The following DCDC2C variants were observed in gnomAD, a reference collection of about 807,000 sequenced individuals.
DCDC2C encodes doublecortin domain containing 2C.
DCDC2C carries 44 observed loss-of-function variants against 45.0 expected under a neutral mutation model. That is an observed-to-expected ratio of 0.98 (90% confidence interval 0.77 to 1.26). The LOEUF (loss-of-function observed/expected upper bound fraction) is 1.26, where lower values mean the gene tolerates loss of function less well. Ranked by LOEUF, DCDC2C falls within the 50% of genes most tolerant of loss-of-function variation. The probability of loss-of-function intolerance (pLI) is 0.00; values close to 1 mark genes in which losing one functional copy is unlikely to be tolerated. For missense variants in DCDC2C, 447 were observed against 468.9 expected (o/e 0.95, Z 0.43); for synonymous variants, 187 against 178.8 (o/e 1.05, Z -0.37).
intron 6 of DCDC2C, among the ~76,000 whole-genome samples, chr2:3,756,366 C>A (rs1248747372): frequency 6.6e-6 from 1 of 152,198 alleles, no homozygotes; most frequent in African/African-American, 2.4e-5. Context: ...CAAGTCCCCT[C>A]CCTACTGTGA....
chr2:3,720,106 T>C (rs1177691402), intron 2 of DCDC2C, among the ~76,000 whole-genome samples: 5 of 152,184 alleles, frequency 3.3e-5, no homozygotes, highest in Admixed American at 6.5e-5. Flanking sequence ...GCAGCAGCTG[T>C]GGAAACTGCA....
intron 6 of DCDC2C, among the ~76,000 whole-genome samples, chr2:3,763,802 T>C (rs1213204413): frequency 2.0e-5 from 3 of 152,182 alleles, no homozygotes; most frequent in Non-Finnish European, 2.9e-5. Context: ...GTGCTACCCA[T>C]GTGTTTCTTT....
At chr2:3,809,744 ACCCCCAAC>A (rs1226553777) in intron 10 of DCDC2C, among the ~76,000 whole-genome samples, 2 of 151,244 alleles carry the variant, frequency 1.3e-5, no homozygotes, top group African/African-American at 4.9e-5. Context: ...CCCTCCCCTT[ACCCCCAAC>A]CCCCAACAGG....
intron 10 of DCDC2C, among the ~76,000 whole-genome samples, chr2:3,790,911 A>AGG (rs1338642792): frequency 2.0e-5 from 3 of 152,166 alleles, no homozygotes; most frequent in Non-Finnish European, 4.4e-5. Context: ...GATCGAGACC[A>AGG]TCCTGGCTAA....
intron 10 of DCDC2C, among the ~76,000 whole-genome samples, chr2:3,813,479 G>A (rs59924264): frequency 0.11 from 16,737 of 152,004 alleles, 1,111 homozygotes; most frequent in East Asian, 0.29. Context: ...TTTCTGTCTC[G>A]TTGATCTGTT....
Position 3,727,083 on chromosome 2 carries a change from A to G in DCDC2C, c.416+4A>G. 6.5e-7 allele frequency: 1 copy of G among 1,547,216 alleles called. No individual in the cohort carries two copies. Among genetic ancestry groups the G allele is most frequent in the Non-Finnish European group, 8.7e-7 (1 of 1,144,172 alleles). On this transcript the variant is annotated splice_donor_region_variant and intron_variant, in intron 3 of 10. Coordinates refer to ENST00000399143, the MANE Select transcript of DCDC2C (RefSeq NM_001287444.2). ...ATCGTATATCTCGACATATAAAGTG[A>G]GTATAATATTATGGGTGAAAAAATC...
chr2:3,840,191 T>C (rs1159338162), intron 10 of DCDC2C, among the ~76,000 whole-genome samples: 1 of 152,268 alleles, frequency 6.6e-6, no homozygotes, highest in Non-Finnish European at 1.5e-5. Flanking sequence ...CTATTTACTA[T>C]TGAGATTTTA....
intron 3 of DCDC2C, among the ~76,000 whole-genome samples, chr2:3,738,012 A>G (rs906047862): frequency 6.6e-6 from 1 of 152,190 alleles, no homozygotes; most frequent in Non-Finnish European, 1.5e-5. Flanking sequence ...GACTCATGCC[A>G]ATGGTAAATA....
Position 3,752,849 on chromosome 2 carries a change from T to C in DCDC2C, c.632T>C (p.Phe211Ser). The change falls in exon 5 of 11, where the codon TTC becomes TCC. Residue 211 changes from phenylalanine to serine, a missense_variant. Physicochemically the swap from Phe to Ser is radical, Grantham distance 155 (BLOSUM62 -2). Coordinates refer to ENST00000399143, the MANE Select transcript of DCDC2C (RefSeq NM_001287444.2). ...TATGTTGCTGTGGGACTGGAGACCT[T>C]CAAATATTTTCCTTACTGGAAGTCT... ...HFYVAVGLET[F>S]KYFPYWKSPR... 1 of 1,550,562 alleles carries C rather than the reference T, an allele frequency of 6.4e-7. No individual in the cohort carries two copies. The highest frequency in any genetic ancestry group is 8.7e-7 in the Non-Finnish European group (1 of 1,146,962).
chr2:3,747,316 A>G (rs1669400962), intron 4 of DCDC2C, among the ~76,000 whole-genome samples: 1 of 152,192 alleles, frequency 6.6e-6, no homozygotes, highest in Non-Finnish European at 1.5e-5. Flanking sequence ...GGGTGTTCGG[A>G]ACATCAGCAT....
chr2:3,777,779 C>T (rs936516990), intron 8 of DCDC2C, among the ~76,000 whole-genome samples: 31 of 152,356 alleles, frequency 2.0e-4, no homozygotes, highest in African/African-American at 6.3e-4. Context: ...ACTGTTCTTG[C>T]ACATTCAAGG....
intron 4 of DCDC2C, among the ~76,000 whole-genome samples, chr2:3,749,034 T>C (rs1669457986): frequency 6.6e-6 from 1 of 152,152 alleles, no homozygotes; most frequent in African/African-American, 2.4e-5. Context: ...TAAACATAAA[T>C]ATTTTAAAAT....
In DCDC2C at chr2:3,704,169, G is replaced by A. The variant is rs1032880531; in HGVS notation, c.287+131G>A. On this transcript the variant is annotated intron_variant, in intron 1 of 10. Transcript: ENST00000399143. ...CCGGCTCGGGCGCCCATCTTTCGGC[G>A]TGGATCCAGCGCAGCCGGCGTCGGG... is the stretch of plus-strand genomic sequence containing the variant. The A allele has an allele frequency of 1.3e-5, 12 of 909,226 alleles. No individual in the cohort carries two copies. The East Asian group carries it at 3.0e-4, about 23-fold the overall frequency. The allele number at this position is 909,226 out of a possible 1,614,324, so 56.3% of individuals were successfully genotyped here.
At chr2:3,766,213 T>G (rs10179393) in intron 6 of DCDC2C, among the ~76,000 whole-genome samples, 103,957 of 151,700 alleles carry the variant, frequency 0.69, 36,177 homozygotes, top group South Asian at 0.83. Flanking sequence ...CCCTCGTTAC[T>G]AGGGTGGGTT....
At chr2:3,811,155 A>G (rs191166097) in intron 10 of DCDC2C, among the ~76,000 whole-genome samples, 2 of 152,350 alleles carry the variant, frequency 1.3e-5, no homozygotes, top group African/African-American at 4.8e-5. Context: ...CATTGAATCT[A>G]TAAATTACTT....
chr2:3,763,821 T>C (rs1339859884), intron 6 of DCDC2C, among the ~76,000 whole-genome samples: 3 of 152,178 alleles, frequency 2.0e-5, no homozygotes, highest in African/African-American at 7.2e-5. Context: ...TTCTGCTGCG[T>C]TCTCCGGGGT....
chr2:3,744,270 G>T (rs1669297742), intron 4 of DCDC2C, among the ~76,000 whole-genome samples: 1 of 152,210 alleles, frequency 6.6e-6, no homozygotes, highest in Admixed American at 6.5e-5. Flanking sequence ...GAGGCTCATG[G>T]CACAGCAGGC....
At chr2:3,714,824 C>G (rs143059961) in intron 2 of DCDC2C, among the ~76,000 whole-genome samples, 1 of 152,336 alleles carries the variant, frequency 6.6e-6, no homozygotes, top group East Asian at 1.9e-4. Context: ...CTCACTTCCA[C>G]TATACTTCTT....
intron 7 of DCDC2C, 154 bp from the exon 8 acceptor site, chr2:3,769,157 G>A: frequency 1.6e-6 from 1 of 634,946 alleles, no homozygotes; most frequent in South Asian, 1.9e-5. Flanking sequence ...AGGGAAACGG[G>A]GTGAGGCGGA....
Sources: allele counts gnomAD v4.1 joint callset (sites outside exome capture counted in the v4.1 genomes callset), GRCh38; gene constraint gnomAD v4.1.1; transcripts MANE v1.5; gene names NCBI Gene and HGNC (gene_info 2026-07-23, HGNC 2026-07-21).